The following DEPTOR variants were observed in gnomAD, a reference collection of about 807,000 sequenced individuals.
The protein encoded by DEPTOR is DEP domain-containing mTOR-interacting protein.
DEPTOR carries 41 observed loss-of-function variants against 41.6 expected under a neutral mutation model. The observed-to-expected ratio is 0.98, with a 90% CI of 0.77 to 1.28. The LOEUF (loss-of-function observed/expected upper bound fraction) is 1.28. Among genes scored for constraint, DEPTOR ranks in the 50% most tolerant of loss-of-function variants. The pLI is 0.00. For missense variants in DEPTOR, 514 were observed against 527.9 expected (o/e 0.97, Z 0.26); for synonymous variants, 195 against 192.3 (o/e 1.01, Z -0.12).
In DEPTOR at chr8:120,050,613, AT is replaced by A. The variant is rs1813222057; in HGVS notation, c.*914del. On this transcript the variant is annotated 3_prime_UTR_variant, in exon 9 of 9. Transcript: ENST00000286234. Reference sequence around the variant, plus strand: ...ACTCTAAATTGCCTCCTTAGCCTGAATTTTTACTAGCTTTCTAGTGTAACAT... The same window carrying A: ...ACTCTAAATTGCCTCCTTAGCCTGAATTTTACTAGCTTTCTAGTGTAACAT... 1 of 152,128 alleles carries A rather than the reference AT, an allele frequency of 6.6e-6. No homozygotes were observed. 9.4% of individuals were successfully genotyped at this position (152,128 alleles called of 1,614,324 possible).
chr8:119,919,448 G>T (rs745974938), intron 1 of DEPTOR, among the ~76,000 whole-genome samples: 28 of 151,684 alleles, frequency 1.8e-4, no homozygotes, highest in Admixed American at 6.6e-4. Context: ...ATATATATTT[G>T]AATTATTTTC....
At position 119,963,435 on chromosome 8, in the gene DEPTOR, C is replaced by T. The variant is rs142675136; in HGVS notation, c.426-1797C>T. Among the ~76,000 whole-genome samples, 3 of 152,176 alleles carry T rather than the reference C, an allele frequency of 2.0e-5. No individual in the cohort carries two copies. The East Asian group carries it at 5.8e-4, about 29-fold the overall frequency. Reference sequence around the variant, plus strand: ...GTGTGAACTCGGCTCACTGCAACCTCTGCCTCTGGGTCAAGCAACTCTCCT... The same window carrying T: ...GTGTGAACTCGGCTCACTGCAACCTTTGCCTCTGGGTCAAGCAACTCTCCT... On this transcript the variant is annotated intron_variant, in intron 3 of 8. Transcript: ENST00000286234.
chr8:119,988,856 A>G (rs539645245), intron 4 of DEPTOR, among the ~76,000 whole-genome samples: 3 of 152,096 alleles, frequency 2.0e-5, no homozygotes, highest in African/African-American at 7.2e-5. Flanking sequence ...TAAAATTCAG[A>G]GCAGTTAAGT....
intron 8 of DEPTOR, among the ~76,000 whole-genome samples, chr8:120,019,262 G>A (rs2326431): frequency 0.43 from 64,610 of 151,912 alleles, 14,310 homozygotes; most frequent in South Asian, 0.54. Flanking sequence ...CCGAGATTGC[G>A]CCACTGCACT....
chr8:119,926,600 T>G (rs1011629306), intron 1 of DEPTOR, among the ~76,000 whole-genome samples: 10 of 152,230 alleles, frequency 6.6e-5, no homozygotes, highest in Non-Finnish European at 1.5e-5. Context: ...CAAATTTAAC[T>G]GGGTTTCCTG....
chr8:120,043,032 G>A (rs1216309032), intron 8 of DEPTOR, among the ~76,000 whole-genome samples: 2 of 151,706 alleles, frequency 1.3e-5, no homozygotes, highest in Non-Finnish European at 2.9e-5. Flanking sequence ...TGTATTTTTA[G>A]TGGAGACTGG....
At chr8:119,994,012 G>T (rs1476357373) in intron 4 of DEPTOR, among the ~76,000 whole-genome samples, 2 of 151,872 alleles carry the variant, frequency 1.3e-5, no homozygotes, top group African/African-American at 4.8e-5. Context: ...CAAAATTAGT[G>T]GGGTGTGGTG....
chr8:120,043,872 C>A (rs1326988410), intron 8 of DEPTOR, among the ~76,000 whole-genome samples: 3 of 151,582 alleles, frequency 2.0e-5, no homozygotes, highest in Non-Finnish European at 4.4e-5. Context: ...ATTAGCTGGG[C>A]GTGGTGGTGT....
intron 1 of DEPTOR, among the ~76,000 whole-genome samples, chr8:119,923,977 A>G (rs963191651): frequency 6.7e-6 from 1 of 150,146 alleles, no homozygotes; most frequent in African/African-American, 2.5e-5. Flanking sequence ...TAATGCAGAC[A>G]GTTTTGTCCA....
intron 3 of DEPTOR, among the ~76,000 whole-genome samples, chr8:119,930,204 C>T (rs1490151981): frequency 1.3e-5 from 2 of 152,052 alleles, no homozygotes; most frequent in African/African-American, 2.4e-5. Flanking sequence ...TTTTGTTTAC[C>T]ATCAAATGAT....
chr8:119,907,433 G>A (rs1827677610), intron 1 of DEPTOR, among the ~76,000 whole-genome samples: 1 of 152,018 alleles, frequency 6.6e-6, no homozygotes, highest in Non-Finnish European at 1.5e-5. Context: ...TATTTATTGA[G>A]GGCCTGTGGG....
intron 4 of DEPTOR, among the ~76,000 whole-genome samples, chr8:119,993,705 C>T (rs1443104984): frequency 6.6e-6 from 1 of 152,106 alleles, no homozygotes; most frequent in Non-Finnish European, 1.5e-5. Flanking sequence ...TTAAGACTTA[C>T]AGGCACAAAC....
At chr8:120,036,055 T>C (rs1175714413) in intron 8 of DEPTOR, among the ~76,000 whole-genome samples, 4 of 152,214 alleles carry the variant, frequency 2.6e-5, no homozygotes, top group African/African-American at 9.6e-5. Flanking sequence ...GAATCCAGTA[T>C]GTATGGACTG....
intron 1 of DEPTOR, among the ~76,000 whole-genome samples, chr8:119,915,053 G>A (rs1359943296): frequency 2.0e-5 from 3 of 152,082 alleles, no homozygotes; most frequent in African/African-American, 7.2e-5. Context: ...TGCAGCCTCT[G>A]CCTCCTGGGT....
intron 4 of DEPTOR, among the ~76,000 whole-genome samples, chr8:119,968,305 T>C (rs141099995): frequency 6.4e-4 from 98 of 152,214 alleles, no homozygotes; most frequent in African/African-American, 2.2e-3. Flanking sequence ...AGAACATTAA[T>C]ATGAGAGCTA....
chr8:119,965,626 G>T (rs1241668385), intron 4 of DEPTOR, among the ~76,000 whole-genome samples: 1 of 152,182 alleles, frequency 6.6e-6, no homozygotes, highest in Non-Finnish European at 1.5e-5. Flanking sequence ...CACTGTCTGT[G>T]ATGTGTTGTT....
At position 119,980,017 on chromosome 8, in the gene DEPTOR, A is replaced by G. The variant is rs186525280; in HGVS notation, c.604+14607A>G. On this transcript the variant is annotated intron_variant, in intron 4 of 8. Transcript: ENST00000286234. ...AATGGCTTTCAAAGTACTGTACCCA[A>G]TGAAAGGGGTGAACTTGTTTGTTGG... 2.1e-4 allele frequency among the ~76,000 whole-genome samples: 32 copies of G among 152,298 alleles called. 1 individual carries two copies. Among genetic ancestry groups the G allele is most frequent in the African/African-American group, 7.2e-4 (30 of 41,576 alleles).
intron 4 of DEPTOR, among the ~76,000 whole-genome samples, chr8:119,971,230 CAAAAA>C (rs36009381): frequency 4.6e-5 from 5 of 109,510 alleles, no homozygotes; most frequent in Non-Finnish European, 5.7e-5. Context: ...GACTCCGTCT[CAAAAA>C]AAAAAAAAAA....
intron 8 of DEPTOR, among the ~76,000 whole-genome samples, chr8:120,013,876 C>T (rs1812570126): frequency 6.7e-6 from 1 of 148,386 alleles, no homozygotes; most frequent in African/African-American, 2.5e-5. Context: ...GTTTCACTCT[C>T]GTCGCCCAGC....
Sources: allele counts gnomAD v4.1 joint callset (sites outside exome capture counted in the v4.1 genomes callset), GRCh38; gene constraint gnomAD v4.1.1; transcripts MANE v1.5; gene names NCBI Gene and HGNC (gene_info 2026-07-23, HGNC 2026-07-21).